SIRT1: variants seen among roughly 807,000 people sequenced by gnomAD.
SIRT1 encodes the protein NAD-dependent protein deacetylase sirtuin-1.
A neutral mutation model predicts 67.9 loss-of-function variants in SIRT1; 24 were observed. The ratio of observed to expected loss-of-function variants is 0.35; its 90% CI spans 0.26 to 0.50. The LOEUF (loss-of-function observed/expected upper bound fraction) is 0.50. SIRT1 is among the 20% of genes least tolerant of loss of function. The probability of loss-of-function intolerance (pLI) is 0.98; values close to 1 mark genes in which losing one functional copy is unlikely to be tolerated. For synonymous variants in SIRT1, 378 were observed against 350.7 expected, an observed-to-expected ratio of 1.08 and a Z score of -0.87; for missense variants, 873 against 937.2, an observed-to-expected ratio of 0.93 and a Z score of 0.89.
chr10:67,913,870 A>G (rs1000136797), intron 8 of SIRT1, among the ~76,000 whole-genome samples: 1 of 152,176 alleles, frequency 6.6e-6, no homozygotes, highest in African/African-American at 2.4e-5. Context: ...CTGTAAATAC[A>G]TTTTAGTTCA....
At chr10:67,897,495 G>A (rs1842676587) in intron 4 of SIRT1, among the ~76,000 whole-genome samples, 3 of 151,928 alleles carry the variant, frequency 2.0e-5, no homozygotes, top group African/African-American at 7.3e-5. Context: ...CTGCTGAGTA[G>A]CTGGGATTAC....
At chr10:67,908,554 T>G (rs1842853268) in intron 6 of SIRT1, among the ~76,000 whole-genome samples, 1 of 152,220 alleles carries the variant, frequency 6.6e-6, no homozygotes, top group Non-Finnish European at 1.5e-5. Context: ...TCCTGTGTGC[T>G]TAGCAATATA....
intron 4 of SIRT1, among the ~76,000 whole-genome samples, chr10:67,906,499 G>A (rs1033161336): frequency 6.6e-6 from 1 of 151,776 alleles, no homozygotes; most frequent in Admixed American, 6.6e-5. Flanking sequence ...ATATCCTAAG[G>A]TTGTATTACT....
At chr10:67,912,099 A>G (rs1313485443) in intron 7 of SIRT1, among the ~76,000 whole-genome samples, 3 of 152,122 alleles carry the variant, frequency 2.0e-5, no homozygotes, top group African/African-American at 7.2e-5. Context: ...TAAGTAGAAC[A>G]TTTATGTACC....
At chr10:67,885,211 A>C in intron 1 of SIRT1, 60 bp downstream of exon 1, 5 of 1,283,502 alleles carry the variant, frequency 3.9e-6, no homozygotes, top group Non-Finnish European at 4.0e-6. Flanking sequence ...CCGGGCTCCT[A>C]CTGGCCTGAG....
At position 67,913,044 on chromosome 10, in the gene SIRT1, G is replaced by T; in HGVS notation, c.1915+13G>T. The stretch of plus-strand genomic sequence containing the variant: ...AGGCGGCTTGATGGTAAGAAAGGCA[G>T]TCGGACCATTTTGAAAGTATAAATG... On this transcript the variant is annotated intron_variant, in intron 8 of 8. Coordinates refer to ENST00000212015, the MANE Select transcript of SIRT1 (RefSeq NM_012238.5). 1 of 1,577,900 alleles carries T rather than the reference G, an allele frequency of 6.3e-7. No individual in the cohort carries two copies. The highest frequency in any genetic ancestry group is 8.6e-7 in the Non-Finnish European group (1 of 1,167,656).
At chr10:67,907,608 C>T (rs1375247419) in intron 5 of SIRT1, among the ~76,000 whole-genome samples, 1 of 151,410 alleles carries the variant, frequency 6.6e-6, no homozygotes, top group African/African-American at 2.4e-5. Context: ...TTGAGATGTA[C>T]AGGATTCAGA....
At chr10:67,909,025 G>C (rs1201161725) in intron 6 of SIRT1, among the ~76,000 whole-genome samples, 1 of 152,000 alleles carries the variant, frequency 6.6e-6, no homozygotes, top group Admixed American at 6.6e-5. Flanking sequence ...ACTCTTCAAT[G>C]TCAAGTGTTT....
chr10:67,909,487 C>A, intron 7 of SIRT1, 45 bp downstream of exon 7: 1 of 1,525,450 alleles, frequency 6.6e-7, no homozygotes, highest in South Asian at 1.3e-5. Flanking sequence ...TATATAATGT[C>A]ATGGGTTGTG....
rs1842445634 is a variant in SIRT1 at position 67,884,684 on chromosome 10, A to G, written c.-38A>G. On this transcript the variant is annotated 5_prime_UTR_variant, in exon 1 of 9. Coordinates refer to ENST00000212015, the MANE Select transcript of SIRT1 (RefSeq NM_012238.5). Reference sequence around the variant, plus strand: ...AGTGCCGCGCGTCGAGCGGGAGCAGAGGAGGCGAGGGAGGAGGGCCAGAGA... The same window carrying G: ...AGTGCCGCGCGTCGAGCGGGAGCAGGGGAGGCGAGGGAGGAGGGCCAGAGA... The G allele has an allele frequency of 1.6e-6, 2 of 1,226,500 alleles. No homozygotes were observed. Among genetic ancestry groups the G allele is most frequent in the African/African-American group, 1.6e-5 (1 of 64,168 alleles). 76.0% of individuals were successfully genotyped at this position (1,226,500 alleles called of 1,614,324 possible).
chr10:67,894,608 T>G (rs1008213394), intron 4 of SIRT1, among the ~76,000 whole-genome samples: 6 of 152,172 alleles, frequency 3.9e-5, no homozygotes, highest in African/African-American at 1.4e-4. Context: ...ACAAAAAACT[T>G]GACTCACTAG....
intron 4 of SIRT1, among the ~76,000 whole-genome samples, chr10:67,894,887 A>G (rs1842628526): frequency 6.6e-6 from 1 of 151,966 alleles, no homozygotes; most frequent in Non-Finnish European, 1.5e-5. Flanking sequence ...TTTAGTAGAG[A>G]CGGGGTTTCA....
At chr10:67,896,511 G>C (rs997731911) in intron 4 of SIRT1, among the ~76,000 whole-genome samples, 1 of 152,048 alleles carries the variant, frequency 6.6e-6, no homozygotes, top group Admixed American at 6.5e-5. Context: ...AATGTCCCTG[G>C]CCGGCCAGGT....
chr10:67,895,248 C>T (rs750451377), intron 4 of SIRT1, among the ~76,000 whole-genome samples: 11 of 152,072 alleles, frequency 7.2e-5, no homozygotes, highest in Non-Finnish European at 1.2e-4. Context: ...AGCAATACCC[C>T]GTCTCTAATA....
intron 4 of SIRT1, among the ~76,000 whole-genome samples, chr10:67,899,013 C>G (rs538266554): frequency 6.6e-6 from 1 of 151,966 alleles, no homozygotes; most frequent in African/African-American, 2.4e-5. Flanking sequence ...TACAGTTGTC[C>G]TTTTTTGGTA....
chr10:67,893,999 A>C (rs1222916332), intron 4 of SIRT1, among the ~76,000 whole-genome samples: 1 of 152,098 alleles, frequency 6.6e-6, no homozygotes, highest in Non-Finnish European at 1.5e-5. Flanking sequence ...GATTTTTTGG[A>C]TGCAGTAGCT....
intron 3 of SIRT1, 101 bp downstream of exon 3, chr10:67,889,224 A>C: frequency 2.3e-6 from 3 of 1,324,062 alleles, no homozygotes; most frequent in Non-Finnish European, 3.0e-6. Flanking sequence ...TCCTTACATG[A>C]TAATGGATGT....
chr10:67,907,915 A>G, intron 5 of SIRT1, 131 bp from the exon 6 acceptor site: 1 of 674,128 alleles, frequency 1.5e-6, no homozygotes, highest in African/African-American at 1.8e-5. Flanking sequence ...TTTAAAATCA[A>G]AGTTAAAAAC....
intron 1 of SIRT1, among the ~76,000 whole-genome samples, chr10:67,885,949 T>C (rs997647589): frequency 2.1e-5 from 3 of 140,294 alleles, no homozygotes; most frequent in Admixed American, 7.0e-5. Context: ...TTCTTTTTTT[T>C]TTTTTTTTTT....
Sources: allele counts gnomAD v4.1 joint callset (sites outside exome capture counted in the v4.1 genomes callset), GRCh38; gene constraint gnomAD v4.1.1; transcripts MANE v1.5; gene names NCBI Gene and HGNC (gene_info 2026-07-23, HGNC 2026-07-21).